Variants in TMEM135 observed in about 807,000 individuals in gnomAD.
TMEM135 encodes peroxisomal membrane protein 52.
In TMEM135, 30 loss-of-function variants were observed where a neutral mutation model predicts 60.3. The observed-to-expected ratio is 0.50, with a 90% confidence interval of 0.37 to 0.68. TMEM135 has a LOEUF of 0.68. Ranked by LOEUF, TMEM135 falls within the 30% of genes least tolerant of loss-of-function variation. The pLI, the probability that TMEM135 is intolerant of heterozygous loss-of-function variation, is 0.00. For synonymous variants in TMEM135, 190 were observed against 186.7 expected, an observed-to-expected ratio of 1.02 and a Z score of -0.14; for missense variants, 468 against 548.8, an observed-to-expected ratio of 0.85 and a Z score of 1.47.
At chr11:87,191,959 A>G (rs1413494635) in intron 5 of TMEM135, among the ~76,000 whole-genome samples, 3 of 76,536 alleles carry the variant, frequency 3.9e-5, no homozygotes, top group East Asian at 3.4e-4. Context: ...TGGTTTTTCT[A>G]TTTCTTTTGT....
At chr11:87,190,155 C>T (rs1181072863) in intron 5 of TMEM135, among the ~76,000 whole-genome samples, 2 of 152,060 alleles carry the variant, frequency 1.3e-5, no homozygotes, top group African/African-American at 4.8e-5. Flanking sequence ...TTGTCAAATT[C>T]TTTCTTGCTT....
At chr11:87,135,493 C>CT (rs376201118) in intron 4 of TMEM135, among the ~76,000 whole-genome samples, 57,565 of 141,940 alleles carry the variant, frequency 0.41, 11,828 homozygotes, top group African/African-American at 0.44. Context: ...AAGAGTTCAT[C>CT]TTTTTTTTTT....
intron 4 of TMEM135, among the ~76,000 whole-genome samples, chr11:87,150,501 A>G (rs1938531367): frequency 6.6e-6 from 1 of 152,182 alleles, no homozygotes; most frequent in African/African-American, 2.4e-5. Flanking sequence ...CAGTATGGTA[A>G]TACATAAATT....
chr11:87,110,023 C>G (rs1471356493), intron 4 of TMEM135, among the ~76,000 whole-genome samples: 1 of 151,954 alleles, frequency 6.6e-6, no homozygotes, highest in Non-Finnish European at 1.5e-5. Context: ...TACTGCCTGG[C>G]TTTTTTATGT....
chr11:87,122,650 G>A (rs1204107165), intron 4 of TMEM135, among the ~76,000 whole-genome samples: 7 of 151,902 alleles, frequency 4.6e-5, no homozygotes, highest in East Asian at 1.9e-4. Flanking sequence ...TAGTAGAGAC[G>A]GGGTTTCGCC....
intron 6 of TMEM135, among the ~76,000 whole-genome samples, chr11:87,280,525 C>T (rs536826966): frequency 6.6e-6 from 1 of 152,246 alleles, no homozygotes; most frequent in East Asian, 1.9e-4. Flanking sequence ...TTTTTCCTCC[C>T]TGCTTTCTTC....
intron 5 of TMEM135, among the ~76,000 whole-genome samples, chr11:87,226,302 G>C (rs560546766): frequency 6.6e-6 from 1 of 152,208 alleles, no homozygotes; most frequent in East Asian, 1.9e-4. Context: ...TATAGTCCCA[G>C]CTCTGAGAGT....
intron 6 of TMEM135, among the ~76,000 whole-genome samples, chr11:87,278,954 A>G (rs1942013776): frequency 6.6e-6 from 1 of 151,378 alleles, no homozygotes; most frequent in African/African-American, 2.4e-5. Flanking sequence ...ATCATACAGT[A>G]TGCACCTTTG....
chr11:87,261,964 A>G (rs1941660167), intron 6 of TMEM135, among the ~76,000 whole-genome samples: 1 of 152,138 alleles, frequency 6.6e-6, no homozygotes, highest in African/African-American at 2.4e-5. Flanking sequence ...CTATGTTTAT[A>G]TTTTTAAAAA....
At chr11:87,139,113 A>G (rs1245108921) in intron 4 of TMEM135, among the ~76,000 whole-genome samples, 1 of 152,158 alleles carries the variant, frequency 6.6e-6, no homozygotes, top group African/African-American at 2.4e-5. Flanking sequence ...TGAATTTAAG[A>G]TAAAATCTAT....
At chr11:87,066,777 T>C (rs1856667930) in intron 1 of TMEM135, among the ~76,000 whole-genome samples, 1 of 142,652 alleles carries the variant, frequency 7.0e-6, no homozygotes. Context: ...TGTTACTAGA[T>C]TCTTTCTTTT....
chr11:87,129,431 T>C, intron 4 of TMEM135, among the ~76,000 whole-genome samples: 1 of 151,702 alleles, frequency 6.6e-6, no homozygotes. Context: ...TTAGTAGAGA[T>C]GTGGTTTCGC....
intron 4 of TMEM135, among the ~76,000 whole-genome samples, chr11:87,115,055 G>C (rs1445734073): frequency 6.6e-6 from 1 of 152,094 alleles, no homozygotes; most frequent in African/African-American, 2.4e-5. Context: ...GTTGAATGTT[G>C]AGCTATGTAA....
chr11:87,260,778 T>A (rs377369368), intron 6 of TMEM135, among the ~76,000 whole-genome samples: 2 of 152,090 alleles, frequency 1.3e-5, no homozygotes, highest in East Asian at 3.9e-4. Flanking sequence ...TGATTCCTAA[T>A]GTGCAGTTGT....
intron 6 of TMEM135, among the ~76,000 whole-genome samples, chr11:87,284,231 T>G (rs1246116249): frequency 6.6e-6 from 1 of 152,220 alleles, no homozygotes; most frequent in Non-Finnish European, 1.5e-5. Context: ...AATCTGCTCC[T>G]TTTACAACTA....
intron 5 of TMEM135, among the ~76,000 whole-genome samples, chr11:87,163,003 C>G (rs1938929949): frequency 6.7e-6 from 1 of 148,602 alleles, no homozygotes; most frequent in African/African-American, 2.5e-5. Context: ...GTTTGCTGGC[C>G]TTATAAATGT....
intron 5 of TMEM135, among the ~76,000 whole-genome samples, chr11:87,166,647 C>T (rs1163925975): frequency 6.6e-6 from 1 of 151,610 alleles, no homozygotes; most frequent in Admixed American, 6.6e-5. Context: ...GGCCTCTGTT[C>T]TGTTCCATTG....
intron 1 of TMEM135, among the ~76,000 whole-genome samples, chr11:87,040,622 A>C (rs1949742350): frequency 6.6e-6 from 1 of 150,616 alleles, no homozygotes; most frequent in Non-Finnish European, 1.5e-5. Flanking sequence ...AGATCATGCC[A>C]TTGCACTCCA....
At chr11:87,258,150 C>T (rs1051960754) in intron 6 of TMEM135, among the ~76,000 whole-genome samples, 3 of 150,930 alleles carry the variant, frequency 2.0e-5, no homozygotes, top group Admixed American at 6.6e-5. Context: ...ATATTTTACA[C>T]AATAATTATT....
Sources: allele counts gnomAD v4.1 joint callset (sites outside exome capture counted in the v4.1 genomes callset), GRCh38; gene constraint gnomAD v4.1.1; transcripts MANE v1.5; gene names NCBI Gene and HGNC (gene_info 2026-07-23, HGNC 2026-07-21).